THSD7B: variants seen among roughly 807,000 people sequenced by gnomAD.
THSD7B encodes thrombospondin type 1 domain containing 7B.
Under a neutral mutation model 213.6 loss-of-function variants are expected in THSD7B, and 138 were observed. The observed-to-expected ratio is 0.65, with a 90% CI of 0.56 to 0.74. The LOEUF (loss-of-function observed/expected upper bound fraction) is 0.74, where lower values mean the gene tolerates loss of function less well. Ranked by LOEUF, THSD7B falls within the 30% of genes least tolerant of loss-of-function variation. The pLI is 0.00. For missense variants in THSD7B, 1,931 were observed against 1,991.5 expected (o/e 0.97, Z 0.58); for synonymous variants, 742 against 687.0 (o/e 1.08, Z -1.25).
At chr2:136,926,467 C>A (rs933847191) in intron 2 of THSD7B, among the ~76,000 whole-genome samples, 5 of 151,910 alleles carry the variant, frequency 3.3e-5, no homozygotes, top group Non-Finnish European at 7.4e-5. Flanking sequence ...ATGAGGCAGG[C>A]AAATTACTTG....
intron 7 of THSD7B, among the ~76,000 whole-genome samples, chr2:137,187,647 A>C (rs1376793780): frequency 6.6e-6 from 1 of 152,206 alleles, no homozygotes; most frequent in African/African-American, 2.4e-5. Flanking sequence ...AGTAACTACC[A>C]CTACCCCAGA....
intron 3 of THSD7B, 128 bp downstream of exon 3, chr2:137,057,358 T>A (rs1234419503): frequency 2.0e-6 from 2 of 995,342 alleles, no homozygotes; most frequent in Non-Finnish European, 1.4e-6. Flanking sequence ...TTTTTAGAAG[T>A]TTCATGTAAG....
At chr2:137,529,660 C>A (rs1680358941) in intron 15 of THSD7B, among the ~76,000 whole-genome samples, 1 of 148,842 alleles carries the variant, frequency 6.7e-6, no homozygotes, top group African/African-American at 2.5e-5. Flanking sequence ...TAGAAAACTT[C>A]AGAAAAAGGA....
intron 3 of THSD7B, among the ~76,000 whole-genome samples, chr2:137,074,685 G>A (rs1172669776): frequency 2.6e-5 from 4 of 152,076 alleles, no homozygotes; most frequent in Non-Finnish European, 4.4e-5. Context: ...TAGCCTTGAC[G>A]GTCTTTACAA....
chr2:137,338,352 CATAGTCTAT>C (rs1684688097), intron 12 of THSD7B, among the ~76,000 whole-genome samples: 1 of 151,872 alleles, frequency 6.6e-6, no homozygotes, highest in Admixed American at 6.6e-5. Context: ...GATGTCATGC[CATAGTCTAT>C]TGATCACAGT....
intron 3 of THSD7B, among the ~76,000 whole-genome samples, chr2:137,092,758 C>A (rs1687974128): frequency 6.6e-6 from 1 of 152,164 alleles, no homozygotes; most frequent in East Asian, 1.9e-4. Context: ...CTTCAGCCTC[C>A]CAAGTAGCTA....
chr2:136,969,654 T>G (rs1352555921), intron 2 of THSD7B, among the ~76,000 whole-genome samples: 1 of 152,228 alleles, frequency 6.6e-6, no homozygotes, highest in Non-Finnish European at 1.5e-5. Flanking sequence ...GAATGGAGAC[T>G]CTAAGCCCTT....
intron 2 of THSD7B, among the ~76,000 whole-genome samples, chr2:137,008,895 A>G (rs1686170359): frequency 6.6e-6 from 1 of 152,094 alleles, no homozygotes; most frequent in Non-Finnish European, 1.5e-5. Context: ...CTACAGTGTA[A>G]TTTCTATTAT....
intron 12 of THSD7B, among the ~76,000 whole-genome samples, chr2:137,384,954 A>C (rs549743765): frequency 1.3e-5 from 2 of 152,204 alleles, no homozygotes; most frequent in African/African-American, 2.4e-5. Context: ...GGCTGAGAGA[A>C]ATGGATCTGG....
intron 12 of THSD7B, among the ~76,000 whole-genome samples, chr2:137,326,707 TTAAAA>T (rs1684381391): frequency 6.6e-6 from 1 of 152,182 alleles, no homozygotes; most frequent in Admixed American, 6.5e-5. Context: ...TTTGGAGATA[TTAAAA>T]TAAATAGAAG....
intron 12 of THSD7B, among the ~76,000 whole-genome samples, chr2:137,306,679 T>C (rs1683754633): frequency 6.6e-6 from 1 of 152,064 alleles, no homozygotes; most frequent in Admixed American, 6.6e-5. Context: ...CTGTGATATC[T>C]TTAGACTGAT....
chr2:136,996,006 C>A (rs1685879126), intron 2 of THSD7B, among the ~76,000 whole-genome samples: 1 of 152,160 alleles, frequency 6.6e-6, no homozygotes. Flanking sequence ...TTTGAGGAAT[C>A]ATCTTTACTT....
intron 17 of THSD7B, among the ~76,000 whole-genome samples, chr2:137,579,590 C>T (rs1298493979): frequency 2.6e-5 from 4 of 152,066 alleles, no homozygotes; most frequent in African/African-American, 7.2e-5. Context: ...CTAATATAGA[C>T]GGGTTAATTA....
intron 2 of THSD7B, among the ~76,000 whole-genome samples, chr2:136,927,376 T>C (rs941637881): frequency 4.6e-5 from 7 of 152,204 alleles, no homozygotes; most frequent in Non-Finnish European, 1.0e-4. Flanking sequence ...TACGCAAGAA[T>C]ATTAAGAAAT....
rs115196300 is a variant in THSD7B, at chr2:137,171,497, C to T, written c.1723+559C>T. On this transcript the variant is annotated intron_variant, in intron 7 of 27. Transcript: ENST00000409968. ...AAAACTATTAACAATGATGTCTTTCCTCAATCAGCAAGCACCTGGTAGGTT... is the reference window on the plus strand; with the variant it reads ...AAAACTATTAACAATGATGTCTTTCTTCAATCAGCAAGCACCTGGTAGGTT... Among the ~76,000 whole-genome samples, 690 of 152,220 alleles carry T rather than the reference C, an allele frequency of 4.5e-3. 8 individuals are homozygous for T. The highest frequency in any genetic ancestry group is 0.016 in the African/African-American group (646 of 41,544).
intron 1 of THSD7B, among the ~76,000 whole-genome samples, chr2:136,848,282 T>C (rs1683041989): frequency 6.6e-6 from 1 of 152,170 alleles, no homozygotes; most frequent in Admixed American, 6.6e-5. Flanking sequence ...AACTCTAGCA[T>C]GCATCAGAAT....
chr2:137,474,763 T>C (rs1036208653), intron 15 of THSD7B, among the ~76,000 whole-genome samples: 1 of 152,218 alleles, frequency 6.6e-6, no homozygotes, highest in Non-Finnish European at 1.5e-5. Context: ...AAGATTAAAC[T>C]CTCATAATCC....
intron 12 of THSD7B, among the ~76,000 whole-genome samples, chr2:137,378,247 A>C (rs181904716): frequency 6.6e-6 from 1 of 152,308 alleles, no homozygotes; most frequent in Admixed American, 6.5e-5. Flanking sequence ...ATTTATATGC[A>C]TTTATGATGG....
intron 5 of THSD7B, among the ~76,000 whole-genome samples, chr2:137,120,660 T>C (rs374611261): frequency 2.0e-5 from 3 of 152,160 alleles, no homozygotes; most frequent in African/African-American, 4.8e-5. Flanking sequence ...TAGGACTTGA[T>C]AGCCATTTCT....
Sources: gnomAD v4.1 joint callset for allele counts (sites outside exome capture counted in the v4.1 genomes callset) on GRCh38, gnomAD v4.1.1 for gene constraint, MANE v1.5 for transcripts, NCBI Gene and HGNC (gene_info 2026-07-23, HGNC 2026-07-21) for gene names.